Variants in PLCG2 observed in about 807,000 individuals in gnomAD.
The protein encoded by PLCG2 is 1-phosphatidylinositol 4,5-bisphosphate phosphodiesterase gamma-2.
Under a neutral mutation model 175.6 loss-of-function variants are expected in PLCG2, and 69 were observed. The observed-to-expected ratio is 0.39, with a 90% confidence interval of 0.32 to 0.48. PLCG2 has a LOEUF of 0.48. Ranked by LOEUF, PLCG2 falls within the 20% of genes least tolerant of loss-of-function variation. The pLI is 0.91. For synonymous variants in PLCG2, 827 were observed against 624.0 expected, an observed-to-expected ratio of 1.33 and a Z score of -4.85; for missense variants, 1,798 against 1,650.9, an observed-to-expected ratio of 1.09 and a Z score of -1.54.
intron 1 of PLCG2, among the ~76,000 whole-genome samples, chr16:81,745,149 C>G (rs969233336): frequency 6.6e-6 from 1 of 152,160 alleles, no homozygotes; most frequent in East Asian, 1.9e-4. Flanking sequence ...CAGGGCTGAA[C>G]TAGAAAAGGT....
chr16:81,823,446 G>A (rs990865294), intron 2 of PLCG2, among the ~76,000 whole-genome samples: 1 of 152,220 alleles, frequency 6.6e-6, no homozygotes, highest in Admixed American at 6.5e-5. Context: ...GGGGGTAGGG[G>A]CTGCACTGTC....
chr16:81,890,567 A>T lies in PLCG2; in HGVS notation c.868-905A>T, dbSNP rs573878395. Among the ~76,000 whole-genome samples the T allele has an allele frequency of 2.6e-5, 4 of 152,224 alleles. No individual in the cohort carries two copies. In the East Asian group the frequency reaches 7.7e-4, roughly 29 times the overall value. On this transcript the variant is annotated intron_variant, in intron 10 of 32. Coordinates refer to ENST00000564138, the MANE Select transcript of PLCG2 (RefSeq NM_002661.5). Reference sequence around the variant, plus strand: ...CTAGAGGGCATCTGCCACCAGGGAGAGTTGAACCATTGCAAGCACAGAAAC... The same window carrying T: ...CTAGAGGGCATCTGCCACCAGGGAGTGTTGAACCATTGCAAGCACAGAAAC...
intron 2 of PLCG2, among the ~76,000 whole-genome samples, chr16:81,824,521 G>C (rs1050496029): frequency 6.6e-6 from 1 of 152,228 alleles, no homozygotes; most frequent in Non-Finnish European, 1.5e-5. Context: ...GTGGAGCCAG[G>C]TGTGGCTGGC....
intron 21 of PLCG2, among the ~76,000 whole-genome samples, chr16:81,922,405 T>C (rs1426250360): frequency 6.6e-6 from 1 of 152,220 alleles, no homozygotes; most frequent in Admixed American, 6.5e-5. Flanking sequence ...TGCTTAAGGA[T>C]TAAAGGAGAT....
intron 2 of PLCG2, among the ~76,000 whole-genome samples, chr16:81,769,425 G>T (rs1414146058): frequency 6.6e-6 from 1 of 152,296 alleles, no homozygotes; most frequent in East Asian, 1.9e-4. Flanking sequence ...TTCTGATTCA[G>T]TAAGGCCAAT....
upstream of PLCG2, among the ~76,000 whole-genome samples, chr16:81,778,077 C>T (rs1419024891): frequency 1.1e-5 from 1 of 94,316 alleles, no homozygotes; most frequent in African/African-American, 4.0e-5. Context: ...AAAACACACA[C>T]ACACAAAAAA....
At chr16:81,814,180 C>A (rs573223149) in intron 2 of PLCG2, among the ~76,000 whole-genome samples, 1 of 152,078 alleles carries the variant, frequency 6.6e-6, no homozygotes, top group Admixed American at 6.6e-5. Context: ...TAAGATACAG[C>A]GGAGGGGAAT....
At chr16:81,933,564 A>T in intron 25 of PLCG2, among the ~76,000 whole-genome samples, 1 of 149,610 alleles carries the variant, frequency 6.7e-6, no homozygotes, top group South Asian at 2.1e-4. Context: ...AGTAATTGTC[A>T]TGCTGTTTTT....
At chr16:81,832,008 C>G (rs983268762) in intron 2 of PLCG2, among the ~76,000 whole-genome samples, 1 of 152,174 alleles carries the variant, frequency 6.6e-6, no homozygotes, top group Admixed American at 6.5e-5. Context: ...CTTGCTGGAG[C>G]CAGTCATGCC....
chr16:81,834,355 C>T (rs538192415), intron 2 of PLCG2, among the ~76,000 whole-genome samples: 22 of 152,148 alleles, frequency 1.4e-4, no homozygotes, highest in African/African-American at 4.6e-4. Context: ...ATTGTGAGGG[C>T]GGTCTGTGTG....
intron 2 of PLCG2, among the ~76,000 whole-genome samples, chr16:81,824,468 C>T (rs990241072): frequency 2.0e-5 from 3 of 152,166 alleles, no homozygotes; most frequent in African/African-American, 7.2e-5. Flanking sequence ...TGTCAGCAAA[C>T]AGCCTCTGGG....
intron 2 of PLCG2, among the ~76,000 whole-genome samples, chr16:81,772,818 G>T (rs1910312850): frequency 6.8e-6 from 1 of 147,914 alleles, no homozygotes; most frequent in African/African-American, 2.5e-5. Context: ...CCAAAAAAAA[G>T]AATGACTGAA....
chr16:81,834,030 T>A (rs1169035223), intron 2 of PLCG2, among the ~76,000 whole-genome samples: 2 of 152,176 alleles, frequency 1.3e-5, no homozygotes, highest in Non-Finnish European at 2.9e-5. Context: ...AACGTGGGAA[T>A]GGGGACAGGA....
At chr16:81,892,253 C>A (rs775822938) in intron 11 of PLCG2, among the ~76,000 whole-genome samples, 5 of 152,106 alleles carry the variant, frequency 3.3e-5, no homozygotes, top group African/African-American at 9.7e-5. Flanking sequence ...TGTAGGTCAC[C>A]GTGAGAGCTG....
At chr16:81,836,053 T>A (rs1905499407) in intron 2 of PLCG2, among the ~76,000 whole-genome samples, 1 of 152,192 alleles carries the variant, frequency 6.6e-6, no homozygotes, top group Non-Finnish European at 1.5e-5. Flanking sequence ...CTATGTATGT[T>A]TTTGGGGGAT....
At chr16:81,881,809 GTT>G (rs34048665) in intron 8 of PLCG2, among the ~76,000 whole-genome samples, 16 of 142,854 alleles carry the variant, frequency 1.1e-4, no homozygotes, top group Admixed American at 1.4e-4. Context: ...TCCAGCTATT[GTT>G]TTTTTTTTTT....
Position 81,859,131 on chromosome 16 carries a change from G to A in PLCG2, c.447G>A (p.Gln149=). ...PTIIESWLRK[Q]IYSVDQTRRN... ...TTCTTTCCAGTTGGCTGAGAAAGCA[G>A]ATATATTCTGTGGATCAAACCAGAA... The change falls in exon 5 of 33, where the codon CAG becomes CAA. Residue 149 remains glutamine, a synonymous_variant. Coordinates refer to ENST00000564138, the MANE Select transcript of PLCG2 (RefSeq NM_002661.5). The A allele has an allele frequency of 6.3e-7, 1 of 1,595,298 alleles. No homozygotes were observed. Among genetic ancestry groups the A allele is most frequent in the Non-Finnish European group, 8.6e-7 (1 of 1,162,862 alleles).
intron 31 of PLCG2, among the ~76,000 whole-genome samples, chr16:81,954,300 G>A (rs1182280741): frequency 6.6e-6 from 1 of 152,326 alleles, no homozygotes; most frequent in African/African-American, 2.4e-5. Context: ...GGGATTACAT[G>A]CCTGAGGCAC....
At chr16:81,941,057 A>G (rs1486490882) in intron 30 of PLCG2, among the ~76,000 whole-genome samples, 1 of 152,262 alleles carries the variant, frequency 6.6e-6, no homozygotes, top group African/African-American at 2.4e-5. Flanking sequence ...ACTTACATAA[A>G]AAAATACAGT....
Sources: allele counts gnomAD v4.1 joint callset (sites outside exome capture counted in the v4.1 genomes callset), GRCh38; gene constraint gnomAD v4.1.1; transcripts MANE v1.5; gene names NCBI Gene and HGNC (gene_info 2026-07-23, HGNC 2026-07-21).